Variants in PDE3B observed in about 807,000 individuals in gnomAD.
The protein encoded by PDE3B is phosphodiesterase 3B.
Under a neutral mutation model 116.8 loss-of-function variants are expected in PDE3B, and 66 were observed. The ratio of observed to expected loss-of-function variants is 0.56; its 90% CI spans 0.46 to 0.69. The LOEUF is 0.69. PDE3B is among the 30% of genes least tolerant of loss of function. PDE3B has a pLI of 0.00. For synonymous variants in PDE3B, 595 were observed against 533.6 expected, an observed-to-expected ratio of 1.12 and a Z score of -1.59; for missense variants, 1,384 against 1,368.1, an observed-to-expected ratio of 1.01 and a Z score of -0.18.
the PDE3B span, chr11:14,880,701 T>C: frequency 5.0e-6 from 8 of 1,597,780 alleles, no homozygotes; most frequent in Non-Finnish European, 6.0e-6. Flanking sequence ...ATCCAAAATA[T>C]CGAAAACTGT....
chr11:14,724,011 A>G (rs1856204970), intron 1 of PDE3B, among the ~76,000 whole-genome samples: 1 of 152,202 alleles, frequency 6.6e-6, no homozygotes, highest in South Asian at 2.1e-4. Flanking sequence ...CTTTTTGGAA[A>G]TATCATTGTA....
chr11:14,745,356 C>T (rs977771263), intron 1 of PDE3B, among the ~76,000 whole-genome samples: 140 of 152,082 alleles, frequency 9.2e-4, no homozygotes, highest in African/African-American at 3.2e-3. Flanking sequence ...TGGTTTTTTG[C>T]TTGAGTCTTG....
At chr11:14,882,545 G>C in the PDE3B span, among the ~76,000 whole-genome samples, 1 of 152,146 alleles carries the variant, frequency 6.6e-6, no homozygotes, top group Admixed American at 6.5e-5. Context: ...GCCTGGGCAT[G>C]ACACTGGGCT....
chr11:14,674,468 A>T (rs1270185231), intron 1 of PDE3B: 2 of 583,310 alleles, frequency 3.4e-6, no homozygotes, highest in Non-Finnish European at 6.7e-6. Context: ...ACCTTTACAC[A>T]CTTTGTTTCA....
At chr11:14,652,806 A>G (rs1853606218) in intron 1 of PDE3B, among the ~76,000 whole-genome samples, 1 of 152,114 alleles carries the variant, frequency 6.6e-6, no homozygotes, top group African/African-American at 2.4e-5. Context: ...TGCTTATTTC[A>G]CTTAGTATAA....
intron 4 of PDE3B, among the ~76,000 whole-genome samples, chr11:14,799,517 A>C (rs1161264908): frequency 6.6e-6 from 1 of 151,994 alleles, no homozygotes; most frequent in African/African-American, 2.4e-5. Context: ...GATCTGTCTA[A>C]TATTGACAGT....
At chr11:14,877,771 A>AG in the PDE3B span, 1 of 208,114 alleles carries the variant, frequency 4.8e-6, no homozygotes, top group Non-Finnish European at 9.6e-6. Flanking sequence ...TCTGGAACCA[A>AG]GGCCCCCCAG....
intron 2 of PDE3B, chr11:14,776,388 A>G (rs1857785995): frequency 6.6e-6 from 1 of 152,194 alleles, no homozygotes; most frequent in Non-Finnish European, 1.5e-5. Flanking sequence ...TAGCCCAGAA[A>G]GTGATCTTTG....
chr11:14,873,555 G>A (rs1202426724), downstream of PDE3B, among the ~76,000 whole-genome samples: 1 of 152,152 alleles, frequency 6.6e-6, no homozygotes, highest in African/African-American at 2.4e-5. Context: ...CACTGAGATA[G>A]GGTATATCAG....
chr11:14,764,975 T>C (rs1011792994), intron 1 of PDE3B, among the ~76,000 whole-genome samples: 2 of 151,902 alleles, frequency 1.3e-5, no homozygotes, highest in East Asian at 3.9e-4. Context: ...TTAGGAAATA[T>C]AGCTTTAGTT....
chr11:14,843,240 A>C (rs1353420236), intron 11 of PDE3B, among the ~76,000 whole-genome samples: 1 of 152,198 alleles, frequency 6.6e-6, no homozygotes, highest in Non-Finnish European at 1.5e-5. Context: ...GATGTTCCCC[A>C]GTTTTCCATG....
chr11:14,822,539 A>G (rs1367142826), intron 7 of PDE3B, among the ~76,000 whole-genome samples: 1 of 152,108 alleles, frequency 6.6e-6, no homozygotes, highest in Non-Finnish European at 1.5e-5. Context: ...TAAGTGGGCA[A>G]CCCTGGGGAC....
At chr11:14,778,531 C>T (rs1241869460) in intron 2 of PDE3B, among the ~76,000 whole-genome samples, 4 of 152,200 alleles carry the variant, frequency 2.6e-5, no homozygotes, top group Admixed American at 6.5e-5. Context: ...CTGCAGTCTG[C>T]ACTGGTGATA....
chr11:14,690,670 A>G (rs1365500814), intron 1 of PDE3B, among the ~76,000 whole-genome samples: 3 of 151,678 alleles, frequency 2.0e-5, no homozygotes, highest in Non-Finnish European at 4.4e-5. Flanking sequence ...TTCAGGCCCA[A>G]CAATACCTGG....
rs1857421416 is a variant in PDE3B, at chr11:14,763,741, TATG to T, written c.979-8190_979-8188del. 3.3e-5 allele frequency among the ~76,000 whole-genome samples: 5 copies of T among 152,232 alleles called. 1 individual carries two copies. The South Asian group carries it at 1.0e-3, about 32-fold the overall frequency. ...TATGGATACAGATATTAGAAGGTAATATGATGATTTGATAAATAAAAACAAGGT... is the reference window on the plus strand; with the variant it reads ...TATGGATACAGATATTAGAAGGTAATATGATTTGATAAATAAAAACAAGGT... On this transcript the variant is annotated intron_variant, in intron 1 of 15. Transcript: ENST00000282096.
chr11:14,729,489 T>A (rs1856399074), intron 1 of PDE3B, among the ~76,000 whole-genome samples: 1 of 152,228 alleles, frequency 6.6e-6, no homozygotes, highest in Non-Finnish European at 1.5e-5. Flanking sequence ...TATTGTCCAC[T>A]GCCACCTTTG....
At chr11:14,850,515 T>C (rs769461373) in intron 12 of PDE3B, among the ~76,000 whole-genome samples, 15 of 152,024 alleles carry the variant, frequency 9.9e-5, no homozygotes, top group South Asian at 2.1e-4. Context: ...AAAAAAGATT[T>C]CTGCTCCTCC....
chr11:14,809,337 T>C (rs995202848), intron 5 of PDE3B, among the ~76,000 whole-genome samples: 7 of 152,180 alleles, frequency 4.6e-5, no homozygotes, highest in African/African-American at 1.7e-4. Flanking sequence ...ACAACCTAAA[T>C]GGCTATCAAT....
intron 1 of PDE3B, among the ~76,000 whole-genome samples, chr11:14,736,558 A>G (rs1467609823): frequency 6.6e-6 from 1 of 152,226 alleles, no homozygotes; most frequent in Non-Finnish European, 1.5e-5. Context: ...TCCAAGATTA[A>G]AGAAGATTAT....
Sources: allele counts gnomAD v4.1 joint callset (sites outside exome capture counted in the v4.1 genomes callset), GRCh38; gene constraint gnomAD v4.1.1; transcripts MANE v1.5; gene names NCBI Gene and HGNC (gene_info 2026-07-23, HGNC 2026-07-21).